The following WDR70 variants were observed in gnomAD, a reference collection of about 807,000 sequenced individuals.
WDR70 encodes the protein WD repeat domain 70, also known as WD repeat-containing protein 70.
In WDR70, 53 loss-of-function variants were observed where a neutral mutation model predicts 88.6. The observed-to-expected ratio is 0.60, with a 90% CI of 0.48 to 0.75. The LOEUF (loss-of-function observed/expected upper bound fraction) is 0.75. Among genes scored for constraint, WDR70 ranks in the 30% least tolerant of loss-of-function variants. WDR70 has a pLI of 0.00. For missense variants in WDR70, 610 were observed against 823.2 expected (o/e 0.74, Z 3.17); for synonymous variants, 280 against 270.0 (o/e 1.04, Z -0.36).
At chr5:37,635,265 A>G (rs759143167) in intron 10 of WDR70, among the ~76,000 whole-genome samples, 2 of 152,132 alleles carry the variant, frequency 1.3e-5, no homozygotes, top group Non-Finnish European at 2.9e-5. Context: ...ATTTCTCAGT[A>G]TGTGTGTGGA....
At chr5:37,692,217 A>T (rs1291177819) in intron 10 of WDR70, among the ~76,000 whole-genome samples, 1 of 152,164 alleles carries the variant, frequency 6.6e-6, no homozygotes. Context: ...AAATTGAGGC[A>T]ATAATTAATA....
intron 9 of WDR70, among the ~76,000 whole-genome samples, chr5:37,574,477 G>A (rs1199710878): frequency 2.0e-5 from 3 of 152,140 alleles, no homozygotes; most frequent in African/African-American, 7.2e-5. Flanking sequence ...TTCTCCTCTT[G>A]TTGTCAACCT....
Position 37,712,028 on chromosome 5 carries a change from G to A in WDR70, c.1416+8941G>A, listed in dbSNP as rs375102395. ...TTTTTCTTGAGACGGAGTCTCACTCGGTCACACAGGCTGGAGTGCAGTGGC... is the reference window on the plus strand; with the variant it reads ...TTTTTCTTGAGACGGAGTCTCACTCAGTCACACAGGCTGGAGTGCAGTGGC... On this transcript the variant is annotated intron_variant, in intron 13 of 17. Coordinates refer to ENST00000265107, the MANE Select transcript of WDR70 (RefSeq NM_018034.4). Among the ~76,000 whole-genome samples, 806 of 137,788 alleles carry A rather than the reference G, an allele frequency of 5.8e-3. 9 individuals carry two copies. Among genetic ancestry groups the A allele is most frequent in the African/African-American group, 0.02 (760 of 37,398 alleles). 90.4% of individuals were successfully genotyped at this position (137,788 alleles called of 152,430 possible). A position where few individuals can be genotyped will look rare whatever the true frequency, so the allele number is the denominator to read the frequency against.
chr5:37,548,532 TTTG>T (rs1742057077), intron 9 of WDR70, among the ~76,000 whole-genome samples: 2 of 152,136 alleles, frequency 1.3e-5, no homozygotes, highest in East Asian at 3.9e-4. Context: ...CTTATATATT[TTTG>T]TTATTAATCC....
chr5:37,738,749 A>G (rs1419602488), intron 17 of WDR70, among the ~76,000 whole-genome samples: 2 of 152,192 alleles, frequency 1.3e-5, no homozygotes, highest in Non-Finnish European at 2.9e-5. Flanking sequence ...GCTGGAAAAG[A>G]CTCACTTTGT....
At chr5:37,538,036 C>T (rs1420686000) in intron 9 of WDR70, among the ~76,000 whole-genome samples, 1 of 152,154 alleles carries the variant, frequency 6.6e-6, no homozygotes, top group Non-Finnish European at 1.5e-5. Context: ...CTTTTCATTG[C>T]TTTATCTTAT....
chr5:37,438,908 G>GTTT (rs5867350), intron 6 of WDR70, among the ~76,000 whole-genome samples: 1 of 146,202 alleles, frequency 6.8e-6, no homozygotes, highest in Non-Finnish European at 1.5e-5. Context: ...GTCCTCATTC[G>GTTT]TTTTTTTTTT....
chr5:37,426,046 A>G (rs1194313715), intron 5 of WDR70, among the ~76,000 whole-genome samples: 3 of 152,220 alleles, frequency 2.0e-5, no homozygotes, highest in Non-Finnish European at 4.4e-5. Context: ...AGTCATCAGC[A>G]TATGTATGGC....
chr5:37,737,637 C>T (rs1364536773), intron 17 of WDR70, among the ~76,000 whole-genome samples: 1 of 152,116 alleles, frequency 6.6e-6, no homozygotes, highest in Non-Finnish European at 1.5e-5. Flanking sequence ...AATTGTGGCA[C>T]ACAGTTATAT....
intron 13 of WDR70, among the ~76,000 whole-genome samples, chr5:37,711,438 A>G (rs1176373979): frequency 1.3e-5 from 2 of 152,168 alleles, no homozygotes; most frequent in South Asian, 4.1e-4. Context: ...TTACCGTCAG[A>G]TCATTTTTTT....
chr5:37,629,040 G>T (rs1428204004), intron 10 of WDR70, among the ~76,000 whole-genome samples: 1 of 152,050 alleles, frequency 6.6e-6, no homozygotes, highest in East Asian at 1.9e-4. Flanking sequence ...AGCTTTGCAG[G>T]GTATAATATT....
chr5:37,399,153 C>G (rs1313902828), intron 5 of WDR70, among the ~76,000 whole-genome samples: 4 of 152,196 alleles, frequency 2.6e-5, no homozygotes, highest in African/African-American at 7.2e-5. Context: ...TGGTGGGCGC[C>G]TGTAGTCCCA....
chr5:37,663,334 G>A (rs1048371432), intron 10 of WDR70, among the ~76,000 whole-genome samples: 1 of 152,106 alleles, frequency 6.6e-6, no homozygotes, highest in Admixed American at 6.5e-5. Context: ...TTTGATTTCT[G>A]TAATACATAT....
chr5:37,469,657 G>C (rs777288432), intron 7 of WDR70, among the ~76,000 whole-genome samples: 46 of 152,202 alleles, frequency 3.0e-4, no homozygotes, highest in Non-Finnish European at 5.4e-4. Flanking sequence ...AGATGCTAAA[G>C]AGTAGTTGCT....
At chr5:37,471,531 G>A (rs1477934778) in intron 7 of WDR70, among the ~76,000 whole-genome samples, 1 of 151,472 alleles carries the variant, frequency 6.6e-6, no homozygotes, top group East Asian at 1.9e-4. Flanking sequence ...GGTTAAATAG[G>A]AGGCACATAT....
chr5:37,489,386 C>G (rs189195382), intron 8 of WDR70, among the ~76,000 whole-genome samples: 1 of 152,220 alleles, frequency 6.6e-6, no homozygotes, highest in East Asian at 1.9e-4. Context: ...AGGGCAACAC[C>G]TGGGCTTCCA....
At chr5:37,545,893 A>G (rs896491663) in intron 9 of WDR70, among the ~76,000 whole-genome samples, 16 of 152,132 alleles carry the variant, frequency 1.1e-4, no homozygotes, top group African/African-American at 3.1e-4. Context: ...CTTTGACTTT[A>G]TTTTCATTAT....
intron 10 of WDR70, among the ~76,000 whole-genome samples, chr5:37,669,226 T>G (rs1036543057): frequency 1.3e-5 from 2 of 152,160 alleles, no homozygotes; most frequent in Non-Finnish European, 2.9e-5. Flanking sequence ...TAAATGTAGA[T>G]TCCAAAAACT....
At position 37,487,571 on chromosome 5, in the gene WDR70, A is replaced by G. The variant is rs770401629; in HGVS notation, c.840+7584A>G. On this transcript the variant is annotated intron_variant, in intron 8 of 17. Coordinates refer to ENST00000265107, the MANE Select transcript of WDR70 (RefSeq NM_018034.4). ...TTAAATTTGTATCTATATTCTTTAT[A>G]TCATTTTATATATGGGTATGTATAT... Among the ~76,000 whole-genome samples, 145 of 146,386 alleles carry G rather than the reference A, an allele frequency of 9.9e-4. 1 individual carries two copies. The highest frequency in any genetic ancestry group is 1.8e-3 in the Non-Finnish European group (121 of 67,010).
Sources: gnomAD v4.1 joint callset for allele counts (sites outside exome capture counted in the v4.1 genomes callset) on GRCh38, gnomAD v4.1.1 for gene constraint, MANE v1.5 for transcripts, NCBI Gene and HGNC (gene_info 2026-07-23, HGNC 2026-07-21) for gene names.